Variants in NPAS3 observed in about 807,000 individuals in gnomAD.
NPAS3 encodes neuronal PAS domain protein 3.
NPAS3 carries 14 observed loss-of-function variants against 73.1 expected under a neutral mutation model. The observed-to-expected ratio is 0.19, with a 90% CI of 0.13 to 0.30. NPAS3 has a LOEUF of 0.30. Ranked by LOEUF, NPAS3 falls within the 10% of genes least tolerant of loss-of-function variation. NPAS3 has a pLI of 1.00. For missense variants in NPAS3, 1,096 were observed against 1,250.0 expected (o/e 0.88, Z 1.86); for synonymous variants, 620 against 541.5 (o/e 1.14, Z -2.01).
chr14:33,199,193 G>A (rs1484285644), intron 2 of NPAS3, among the ~76,000 whole-genome samples: 2 of 152,224 alleles, frequency 1.3e-5, no homozygotes, highest in African/African-American at 4.8e-5. Flanking sequence ...TTCCCACAGT[G>A]CAGATGCGGG....
At chr14:33,527,827 A>G (rs2053869716) in intron 4 of NPAS3, among the ~76,000 whole-genome samples, 1 of 152,062 alleles carries the variant, frequency 6.6e-6, no homozygotes, top group Non-Finnish European at 1.5e-5. Flanking sequence ...GCTGGGTTTT[A>G]AGGGACTTTC....
chr14:32,978,123 G>A (rs1393278094), intron 1 of NPAS3, among the ~76,000 whole-genome samples: 1 of 152,062 alleles, frequency 6.6e-6, no homozygotes, highest in African/African-American at 2.4e-5. Flanking sequence ...GGGGGGGTGA[G>A]AAAACTTGCC....
At chr14:32,959,310 C>T (rs1227622388) in intron 1 of NPAS3, among the ~76,000 whole-genome samples, 1 of 152,310 alleles carries the variant, frequency 6.6e-6, no homozygotes, top group Non-Finnish European at 1.5e-5. Flanking sequence ...CTGGTTGTTA[C>T]TAGGGGCTGC....
At chr14:33,690,585 A>G (rs2060208737) in intron 6 of NPAS3, among the ~76,000 whole-genome samples, 1 of 152,116 alleles carries the variant, frequency 6.6e-6, no homozygotes. Flanking sequence ...AATAGTCCAA[A>G]TTCCTATACT....
intron 5 of NPAS3, among the ~76,000 whole-genome samples, chr14:33,567,035 G>A (rs73270934): frequency 0.087 from 13,254 of 152,104 alleles, 628 homozygotes; most frequent in Middle Eastern, 0.16. Flanking sequence ...ATTTTTTTAC[G>A]CCTAGAATTT....
chr14:33,179,049 TA>T (rs999890092), intron 2 of NPAS3, among the ~76,000 whole-genome samples: 16 of 151,834 alleles, frequency 1.1e-4, no homozygotes, highest in Non-Finnish European at 1.5e-4. Context: ...ATACCTTTTT[TA>T]AAAAAAAATC....
intron 3 of NPAS3, among the ~76,000 whole-genome samples, chr14:33,330,901 AATT>A (rs1259164668): frequency 2.6e-5 from 4 of 152,208 alleles, no homozygotes; most frequent in African/African-American, 9.7e-5. Context: ...TATAAAGAAT[AATT>A]ATTTGCTGGT....
At chr14:33,410,424 C>T (rs2047869596) in intron 4 of NPAS3, among the ~76,000 whole-genome samples, 1 of 152,186 alleles carries the variant, frequency 6.6e-6, no homozygotes, top group East Asian at 1.9e-4. Flanking sequence ...TGTCCCCTAT[C>T]TTCTTACCTT....
At chr14:33,707,808 G>A (rs768993590) in intron 6 of NPAS3, among the ~76,000 whole-genome samples, 9 of 152,156 alleles carry the variant, frequency 5.9e-5, no homozygotes, top group Non-Finnish European at 1.3e-4. Context: ...AGCCCCATAG[G>A]TCAGGGTGTC....
At chr14:33,117,109 C>T (rs1028999502) in intron 2 of NPAS3, among the ~76,000 whole-genome samples, 3 of 151,784 alleles carry the variant, frequency 2.0e-5, no homozygotes, top group African/African-American at 7.3e-5. Context: ...TATGGGGGTA[C>T]AATGTGATGT....
At chr14:33,040,484 TG>T (rs2040315699) in intron 1 of NPAS3, among the ~76,000 whole-genome samples, 1 of 152,206 alleles carries the variant, frequency 6.6e-6, no homozygotes, top group African/African-American at 2.4e-5. Flanking sequence ...TACATGCATT[TG>T]GTTAGCACTA....
intron 3 of NPAS3, among the ~76,000 whole-genome samples, chr14:33,337,406 A>G (rs2044278365): frequency 6.6e-6 from 1 of 152,104 alleles, no homozygotes; most frequent in African/African-American, 2.4e-5. Context: ...GACTATACAC[A>G]TGAGGTTTTG....
chr14:33,465,060 A>G lies in NPAS3; in HGVS notation c.469-95061A>G, dbSNP rs1198931372. On this transcript the variant is annotated intron_variant, in intron 4 of 11. Coordinates refer to ENST00000356141, the Ensembl canonical transcript of NPAS3. ...TAATGTGTGTTGCCCTTAGTCACTC[A>G]CTATTAAATTCCCAAAGGTTTTTTT... 2.0e-5 allele frequency among the ~76,000 whole-genome samples: 3 copies of G among 152,136 alleles called. No individual in the cohort carries two copies. The East Asian group carries it at 5.8e-4, about 29-fold the overall frequency.
chr14:33,638,983 G>A (rs556113011), intron 5 of NPAS3, among the ~76,000 whole-genome samples: 10 of 152,256 alleles, frequency 6.6e-5, no homozygotes, highest in African/African-American at 1.7e-4. Context: ...GAAAGGCACC[G>A]CACCATTTAA....
chr14:33,241,706 A>G (rs936182461), intron 3 of NPAS3, among the ~76,000 whole-genome samples: 3 of 152,018 alleles, frequency 2.0e-5, no homozygotes, highest in Admixed American at 1.3e-4. Flanking sequence ...GGCTGCTTTG[A>G]CAGTAAATTA....
intron 2 of NPAS3, among the ~76,000 whole-genome samples, chr14:33,176,797 T>C (rs1055696519): frequency 6.6e-6 from 1 of 152,152 alleles, no homozygotes; most frequent in African/African-American, 2.4e-5. Context: ...ACCACAAAAT[T>C]ATTTTTCATA....
At chr14:33,635,966 C>A (rs137962342) in intron 5 of NPAS3, among the ~76,000 whole-genome samples, 50 of 152,070 alleles carry the variant, frequency 3.3e-4, no homozygotes, top group African/African-American at 1.2e-3. Context: ...TTTTTTAAGA[C>A]GGAGTTTTGC....
intron 4 of NPAS3, among the ~76,000 whole-genome samples, chr14:33,553,299 T>C (rs76717013): frequency 0.026 from 3,930 of 152,276 alleles, 63 homozygotes; most frequent in Admixed American, 0.046. Context: ...GTGGGTCTCT[T>C]TGTTCTTCTC....
In NPAS3 at chr14:33,194,960, T is replaced by G. The variant is rs141454572; in HGVS notation, c.141-20222T>G. Among the ~76,000 whole-genome samples the G allele has an allele frequency of 7.9e-5, 12 of 152,306 alleles. No homozygotes were observed. In the East Asian group the frequency reaches 2.3e-3, roughly 29 times the overall value. ...CAGCTTTGCAAACTAAAAACTAGTA[T>G]AAATATGACTTACCTTAGGAACAAA... is the stretch of plus-strand genomic sequence containing the variant. On this transcript the variant is annotated intron_variant, in intron 2 of 11. Transcript: ENST00000356141.
Sources: gnomAD v4.1 joint callset for allele counts (sites outside exome capture counted in the v4.1 genomes callset) on GRCh38, gnomAD v4.1.1 for gene constraint, MANE v1.5 for transcripts, NCBI Gene and HGNC (gene_info 2026-07-23, HGNC 2026-07-21) for gene names.